Variants in PTPRN2 observed in about 807,000 individuals in gnomAD.
The protein encoded by PTPRN2 is receptor-type tyrosine-protein phosphatase N2.
A neutral mutation model predicts 118.8 loss-of-function variants in PTPRN2; 74 were observed. That is an observed-to-expected ratio of 0.62 (90% CI 0.52 to 0.76). PTPRN2 has a LOEUF of 0.76. PTPRN2 is among the 30% of genes least tolerant of loss of function. PTPRN2 has a pLI of 0.00. For synonymous variants in PTPRN2, 641 were observed against 608.0 expected (o/e 1.05, Z -0.80); for missense variants, 1,481 against 1,394.4 (o/e 1.06, Z -0.99).
At chr7:158,049,899 T>C (rs1809195972) in intron 11 of PTPRN2, among the ~76,000 whole-genome samples, 1 of 100,762 alleles carries the variant, frequency 9.9e-6, no homozygotes, top group Admixed American at 8.7e-5. Flanking sequence ...CAAGATTCCA[T>C]CTCAAAAAAA....
At chr7:158,280,311 G>A (rs1327586038) in intron 3 of PTPRN2, among the ~76,000 whole-genome samples, 6 of 152,220 alleles carry the variant, frequency 3.9e-5, no homozygotes, top group South Asian at 2.1e-4. Flanking sequence ...TAACCCCGTC[G>A]GGGGCCATGG....
intron 12 of PTPRN2, among the ~76,000 whole-genome samples, chr7:157,755,690 C>A (rs1340159384): frequency 1.3e-5 from 2 of 151,716 alleles, no homozygotes; most frequent in African/African-American, 2.4e-5. Flanking sequence ...CCCATGGACA[C>A]AAAGATGGGA....
chr7:158,115,739 C>T (rs1002001148), intron 9 of PTPRN2, among the ~76,000 whole-genome samples: 2 of 152,110 alleles, frequency 1.3e-5, no homozygotes, highest in East Asian at 1.9e-4. Flanking sequence ...TTCTAAGCTG[C>T]CCCATCCATG....
chr7:158,131,334 C>T (rs1256859942), intron 9 of PTPRN2, among the ~76,000 whole-genome samples: 1 of 151,242 alleles, frequency 6.6e-6, no homozygotes, highest in Non-Finnish European at 1.5e-5. Context: ...CACACTCATA[C>T]ACATGCACAT....
intron 10 of PTPRN2, among the ~76,000 whole-genome samples, chr7:158,109,163 T>A (rs1234798846): frequency 7.6e-6 from 1 of 131,206 alleles, no homozygotes; most frequent in African/African-American, 2.9e-5. Context: ...CATCACCCCA[T>A]GTGTGAAAGA....
intron 11 of PTPRN2, among the ~76,000 whole-genome samples, chr7:158,016,337 A>T (rs1330236337): frequency 6.6e-6 from 1 of 152,116 alleles, no homozygotes; most frequent in Non-Finnish European, 1.5e-5. Flanking sequence ...CGCCGGGCCC[A>T]CAGCACAGAC....
chr7:157,914,951 C>T (rs1798313749), intron 11 of PTPRN2, among the ~76,000 whole-genome samples: 1 of 151,708 alleles, frequency 6.6e-6, no homozygotes, highest in South Asian at 2.1e-4. Context: ...AAACTCATAC[C>T]CTTAGTTTAG....
At chr7:158,017,811 G>A (rs898259173) in intron 11 of PTPRN2, among the ~76,000 whole-genome samples, 1 of 152,146 alleles carries the variant, frequency 6.6e-6, no homozygotes. Flanking sequence ...CACACCTCAG[G>A]ATTTCACACA....
intron 12 of PTPRN2, among the ~76,000 whole-genome samples, chr7:157,793,205 T>G (rs1028222527): frequency 2.6e-5 from 4 of 152,070 alleles, no homozygotes; most frequent in Non-Finnish European, 5.9e-5. Context: ...TCCCCTGCTG[T>G]TCCCTCTGCA....
At chr7:158,417,109 C>T (rs1383438034) in intron 2 of PTPRN2, among the ~76,000 whole-genome samples, 2 of 152,016 alleles carry the variant, frequency 1.3e-5, no homozygotes, top group Non-Finnish European at 1.5e-5. Flanking sequence ...TTGTGGTGTA[C>T]TACATCAAGA....
At chr7:157,938,370 C>T (rs944322039) in intron 11 of PTPRN2, among the ~76,000 whole-genome samples, 3 of 152,244 alleles carry the variant, frequency 2.0e-5, no homozygotes, top group Non-Finnish European at 2.9e-5. Flanking sequence ...GCACCTGCTT[C>T]TGCCCTGGGG....
intron 2 of PTPRN2, among the ~76,000 whole-genome samples, chr7:158,352,062 GTCCGCTCC>G: frequency 9.4e-6 from 1 of 106,036 alleles, no homozygotes; most frequent in African/African-American, 3.3e-5. Context: ...CTCCCCTCCT[GTCCGCTCC>G]CCTCCTGTCC....
intron 2 of PTPRN2, among the ~76,000 whole-genome samples, chr7:158,387,577 A>ACTCTCTGT (rs1586542379): frequency 6.6e-6 from 1 of 151,184 alleles, no homozygotes; most frequent in Non-Finnish European, 1.5e-5. Flanking sequence ...CTGTCAGCTC[A>ACTCTCTGT]GCTTGGCCCG....
chr7:158,245,062 G>A (rs989318897), intron 3 of PTPRN2, among the ~76,000 whole-genome samples: 5 of 152,182 alleles, frequency 3.3e-5, no homozygotes, highest in African/African-American at 1.2e-4. Flanking sequence ...GGCATGAAAT[G>A]AGATGAGGCG....
chr7:158,030,235 G>T (rs906204165), intron 11 of PTPRN2: 1 of 152,222 alleles, frequency 6.6e-6, no homozygotes, highest in African/African-American at 2.4e-5. Context: ...AAAGGTAGAA[G>T]ACTGCAGAAA....
intron 2 of PTPRN2, among the ~76,000 whole-genome samples, chr7:158,398,180 A>T (rs1212493969): frequency 6.6e-6 from 1 of 152,226 alleles, no homozygotes; most frequent in East Asian, 1.9e-4. Context: ...GAGAATGCAA[A>T]ATTACATCAT....
chr7:158,206,343 C>T (rs1156779094), intron 3 of PTPRN2, among the ~76,000 whole-genome samples: 1 of 152,126 alleles, frequency 6.6e-6, no homozygotes, highest in Non-Finnish European at 1.5e-5. Flanking sequence ...GGAAAACCCA[C>T]TGCCTTGAAG....
chr7:158,086,609 C>CA (rs1168542445), intron 10 of PTPRN2, among the ~76,000 whole-genome samples: 2 of 152,138 alleles, frequency 1.3e-5, no homozygotes, highest in African/African-American at 2.4e-5. Flanking sequence ...ACGAAAAGCA[C>CA]AAAAAATGTG....
intron 12 of PTPRN2, among the ~76,000 whole-genome samples, chr7:157,716,334 C>A (rs561749420): frequency 8.3e-6 from 1 of 120,120 alleles, no homozygotes; most frequent in Non-Finnish European, 1.7e-5. Flanking sequence ...CACTGCCTGG[C>A]CACATAGACT....
Sources: gnomAD v4.1 joint callset for allele counts (sites outside exome capture counted in the v4.1 genomes callset) on GRCh38, gnomAD v4.1.1 for gene constraint, MANE v1.5 for transcripts, NCBI Gene and HGNC (gene_info 2026-07-23, HGNC 2026-07-21) for gene names.